The following C5AR1 variants were observed in gnomAD, a reference collection of about 807,000 sequenced individuals.
C5AR1 encodes complement C5a receptor 1.
A neutral mutation model predicts 2.4 loss-of-function variants in C5AR1; 4 were observed. The observed-to-expected ratio is 1.65, with a 90% confidence interval of 0.81 to 3.77. The LOEUF is 3.77. Ranked by LOEUF, C5AR1 falls within the 30% of genes most tolerant of loss-of-function variation. C5AR1 has a pLI of 0.01. For synonymous variants in C5AR1, 209 were observed against 210.4 expected (o/e 0.99, Z 0.06); for missense variants, 418 against 462.5 (o/e 0.90, Z 0.88).
chr19:47,314,777 T>C (rs916774889), intron 1 of C5AR1, among the ~76,000 whole-genome samples: 2 of 152,206 alleles, frequency 1.3e-5, no homozygotes, highest in Non-Finnish European at 2.9e-5. Context: ...CACTACAACC[T>C]CCACCTCCTG....
intron 1 of C5AR1, among the ~76,000 whole-genome samples, chr19:47,310,419 G>A (rs531647746): frequency 6.6e-6 from 1 of 152,304 alleles, no homozygotes; most frequent in East Asian, 1.9e-4. Flanking sequence ...GGGAATGGCA[G>A]AGAAAATGTT....
intron 1 of C5AR1, among the ~76,000 whole-genome samples, chr19:47,319,119 C>T (rs1013952390): frequency 1.1e-4 from 17 of 151,064 alleles, no homozygotes; most frequent in African/African-American, 3.7e-4. Flanking sequence ...CTCCTGACCT[C>T]GTGATCCACC....
In C5AR1 at chr19:47,320,411, C is replaced by T. The variant is rs953074392; in HGVS notation, c.634C>T (p.Leu212=). The T allele has an allele frequency of 1.2e-6, 2 of 1,610,636 alleles. No individual in the cohort carries two copies. The highest frequency in any genetic ancestry group is 2.7e-5 in the African/African-American group (2 of 74,926). ...CATCGTCCGGCTGGTCCTGGGCTTC[C>T]TGTGGCCTCTACTCACGCTCACGAT... The part of the protein sequence containing the change: ...VAIVRLVLGF[L]WPLLTLTICY... Residue 212 remains leucine, a synonymous_variant, in exon 2 of 2, where the codon CTG becomes TTG. Transcript: ENST00000355085. This position sits in a 1 kb window ranked among gnomAD's most constrained non-coding sequence, Gnocchi z 4.9.
Position 47,321,582 on chromosome 19 carries a change from C to T in C5AR1, c.*752C>T, listed in dbSNP as rs1159258808. Reference sequence around the variant, plus strand: ...CATGATCGCACCACTGCACTCTAGCCTGGGTGACCGAGGGAGGCTCTGTCT... The same window carrying T: ...CATGATCGCACCACTGCACTCTAGCTTGGGTGACCGAGGGAGGCTCTGTCT... On this transcript the variant is annotated 3_prime_UTR_variant, in exon 2 of 2. Transcript: ENST00000355085. 2.0e-5 allele frequency: 3 copies of T among 152,194 alleles called. No homozygotes were observed. The highest frequency in any genetic ancestry group is 2.9e-5 in the Non-Finnish European group (2 of 68,042). The allele number at this position is 152,194 out of a possible 1,614,324, so 9.4% of individuals were successfully genotyped here. A position where few individuals can be genotyped will look rare whatever the true frequency, so the allele number is the denominator to read the frequency against.
Position 47,320,979 on chromosome 19 carries a change from C to G in C5AR1, c.*149C>G. 1 of 677,764 alleles carries G rather than the reference C, an allele frequency of 1.5e-6. No homozygotes were observed. The highest frequency in any genetic ancestry group is 2.0e-5 in the South Asian group (1 of 50,860). The allele number at this position is 677,764 out of a possible 1,614,324, so 42.0% of individuals were successfully genotyped here. On this transcript the variant is annotated 3_prime_UTR_variant, in exon 2 of 2. Transcript: ENST00000355085. The surrounding 1 kb of genome is among the most constrained non-coding windows in gnomAD (Gnocchi z 4.9). Reference sequence around the variant, plus strand: ...CCTGTCTTTCCCAGACTTGTCCCTCCTTTTCCAGCGGGACTCTTCTCATCC... The same window carrying G: ...CCTGTCTTTCCCAGACTTGTCCCTCGTTTTCCAGCGGGACTCTTCTCATCC...
chr19:47,316,416 C>T (rs903535829), intron 1 of C5AR1: 14 of 151,832 alleles, frequency 9.2e-5, no homozygotes, highest in African/African-American at 2.9e-4. Context: ...TCTATCCATC[C>T]GTTTATTTAT....
At chr19:47,307,969 T>C (rs1268507455), upstream of C5AR1, among the ~76,000 whole-genome samples, 1 of 150,668 alleles carries the variant, frequency 6.6e-6, no homozygotes, top group Non-Finnish European at 1.5e-5. Context: ...AATCCCAGCA[T>C]TTTGGGAGGC....
chr19:47,315,759 TAGA>T (rs1300781860), intron 1 of C5AR1, among the ~76,000 whole-genome samples: 1 of 152,028 alleles, frequency 6.6e-6, no homozygotes, highest in Non-Finnish European at 1.5e-5. Flanking sequence ...GAGCGGGCAA[TAGA>T]AGAAGTGGGT....
chr19:47,320,782 C>G lies in C5AR1; in HGVS notation c.1005C>G (p.Phe335Leu). The stretch of plus-strand genomic sequence containing the variant: ...CCGTGGTTAGGGAGAGCAAGTCATT[C>G]ACGCGCTCCACAGTGGACACTATGG... ...EESVVRESKS[F>L]TRSTVDTMAQ... Residue 335 changes from phenylalanine to leucine, a missense_variant, in exon 2 of 2, where the codon TTC becomes TTG. Coordinates refer to ENST00000355085, the MANE Select transcript of C5AR1 (RefSeq NM_001736.4). This position sits in a 1 kb window ranked among gnomAD's most constrained non-coding sequence, Gnocchi z 4.9. 1 of 1,614,104 alleles carries G rather than the reference C, an allele frequency of 6.2e-7. No homozygotes were observed. Among genetic ancestry groups the G allele is most frequent in the Non-Finnish European group, 8.5e-7 (1 of 1,180,016 alleles).
intron 1 of C5AR1, among the ~76,000 whole-genome samples, chr19:47,314,264 T>C (rs1373967205): frequency 1.3e-5 from 2 of 152,224 alleles, no homozygotes; most frequent in African/African-American, 4.8e-5. Flanking sequence ...AGCCAACACC[T>C]GGGAAGCACA....
intron 1 of C5AR1, among the ~76,000 whole-genome samples, chr19:47,316,771 C>T (rs1444463658): frequency 2.0e-5 from 3 of 151,992 alleles, no homozygotes; most frequent in Non-Finnish European, 4.4e-5. Flanking sequence ...TTAGCAGATA[C>T]TGACATCTTA....
chr19:47,310,232 C>T (rs1267991397), intron 1 of C5AR1, among the ~76,000 whole-genome samples: 2 of 152,230 alleles, frequency 1.3e-5, no homozygotes, highest in African/African-American at 2.4e-5. Context: ...AGCAGCCGAG[C>T]GCAGTGGGTC....
intron 1 of C5AR1, among the ~76,000 whole-genome samples, chr19:47,311,382 C>G (rs2059269977): frequency 6.6e-6 from 1 of 151,864 alleles, no homozygotes; most frequent in Admixed American, 6.6e-5. Flanking sequence ...TATAAGCGGG[C>G]GCCTGTAGTC....
chr19:47,314,323 A>C (rs1334087103), intron 1 of C5AR1, among the ~76,000 whole-genome samples: 1 of 152,212 alleles, frequency 6.6e-6, no homozygotes, highest in Non-Finnish European at 1.5e-5. Context: ...CTGGACCTGC[A>C]CTGCCCAATA....
intron 1 of C5AR1, among the ~76,000 whole-genome samples, chr19:47,318,285 A>AT (rs369827728): frequency 7.6e-4 from 110 of 144,524 alleles, no homozygotes; most frequent in African/African-American, 2.6e-3. Flanking sequence ...CGAAATGGGC[A>AT]TTTTTTTTTC....
At chr19:47,316,195 A>T (rs2059287498) in intron 1 of C5AR1, among the ~76,000 whole-genome samples, 1 of 151,790 alleles carries the variant, frequency 6.6e-6, no homozygotes, top group Admixed American at 6.6e-5. Flanking sequence ...TTTAGTGGAG[A>T]TGGGGTTTCA....
At chr19:47,316,531 C>T (rs1331981975) in intron 1 of C5AR1, 1 of 152,040 alleles carries the variant, frequency 6.6e-6, no homozygotes, top group Non-Finnish European at 1.5e-5. Flanking sequence ...ACCTCCGCCT[C>T]CCAGGTTCAA....
At position 47,321,426 on chromosome 19, in the gene C5AR1, T is replaced by C. The variant is rs901017742; in HGVS notation, c.*596T>C. The C allele has an allele frequency of 3.9e-5, 6 of 152,214 alleles. No homozygotes were observed. Among genetic ancestry groups the C allele is most frequent in the African/African-American group, 1.4e-4 (6 of 41,518 alleles). 9.4% of individuals were successfully genotyped at this position (152,214 alleles called of 1,614,324 possible). A position where few individuals can be genotyped will look rare whatever the true frequency, so the allele number is the denominator to read the frequency against. On this transcript the variant is annotated 3_prime_UTR_variant, in exon 2 of 2. Transcript: ENST00000355085. ...GAGTTCCAGACCAGGCTGGCCAGCA[T>C]GGTGAAACCCCGTCTGTACTAAAAA... is the stretch of plus-strand genomic sequence containing the variant.
At chr19:47,312,429 A>T (rs1222520664) in intron 1 of C5AR1, among the ~76,000 whole-genome samples, 1 of 152,182 alleles carries the variant, frequency 6.6e-6, no homozygotes, top group Non-Finnish European at 1.5e-5. Flanking sequence ...TAGAATCTAC[A>T]TCATAGGCTA....
Sources: allele counts gnomAD v4.1 joint callset (sites outside exome capture counted in the v4.1 genomes callset), GRCh38; gene constraint gnomAD v4.1.1; non-coding constraint Gnocchi (gnomAD v3.1); transcripts MANE v1.5; gene names NCBI Gene and HGNC (gene_info 2026-07-23, HGNC 2026-07-21).